MIPOL1: variants seen among roughly 807,000 people sequenced by gnomAD.
The protein encoded by MIPOL1 is mirror-image polydactyly gene 1 protein.
Under a neutral mutation model 60.9 loss-of-function variants are expected in MIPOL1, and 57 were observed. That is an observed-to-expected ratio of 0.94 (90% CI 0.76 to 1.17). MIPOL1 has a LOEUF of 1.17. MIPOL1 is among the 50% of genes most tolerant of loss of function. The pLI is 0.00. For missense variants in MIPOL1, 551 were observed against 511.6 expected (o/e 1.08, Z -0.74); for synonymous variants, 179 against 168.8 (o/e 1.06, Z -0.47).
chr14:37,504,554 C>T (rs2095256898), intron 12 of MIPOL1: 1 of 152,102 alleles, frequency 6.6e-6, no homozygotes, highest in Non-Finnish European at 1.5e-5. Flanking sequence ...TTCTTTGAAA[C>T]CAATGAGAAC....
intron 9 of MIPOL1, among the ~76,000 whole-genome samples, chr14:37,337,347 TATATATA>T (rs2090213535): frequency 1.2e-4 from 4 of 34,498 alleles, no homozygotes; most frequent in Non-Finnish European, 1.6e-4. Context: ...TATATATATA[TATATATA>T]TATTTTTTTT....
intron 11 of MIPOL1, among the ~76,000 whole-genome samples, chr14:37,497,580 C>A (rs934740064): frequency 3.9e-5 from 6 of 152,134 alleles, no homozygotes; most frequent in East Asian, 1.9e-4. Context: ...GTGGCATATG[C>A]CCATAGTCCG....
chr14:37,407,545 T>C (rs2093608021), intron 10 of MIPOL1, among the ~76,000 whole-genome samples: 1 of 152,136 alleles, frequency 6.6e-6, no homozygotes, highest in African/African-American at 2.4e-5. Context: ...ATGTGGCCGT[T>C]ATTGGATATC....
intron 5 of MIPOL1, among the ~76,000 whole-genome samples, chr14:37,269,867 G>GC (rs1293157557): frequency 6.6e-6 from 1 of 151,984 alleles, no homozygotes; most frequent in Non-Finnish European, 1.5e-5. Flanking sequence ...CACTCTTGTT[G>GC]CCCAGGCTGG....
At chr14:37,299,479 A>T (rs1020847930) in intron 7 of MIPOL1, among the ~76,000 whole-genome samples, 2 of 151,930 alleles carry the variant, frequency 1.3e-5, no homozygotes, top group East Asian at 1.9e-4. Context: ...ACTCTACAAC[A>T]TCCTACTTTC....
At chr14:37,236,703 GC>G (rs1252058590) in intron 1 of MIPOL1, among the ~76,000 whole-genome samples, 1 of 152,044 alleles carries the variant, frequency 6.6e-6, no homozygotes, top group Non-Finnish European at 1.5e-5. Flanking sequence ...CTCCCAAAGT[GC>G]TGGGATCACA....
chr14:37,238,321 T>C (rs1475447727), intron 1 of MIPOL1, among the ~76,000 whole-genome samples: 1 of 152,192 alleles, frequency 6.6e-6, no homozygotes, highest in African/African-American at 2.4e-5. Context: ...TTGTGTTAGT[T>C]AATCTTGTTT....
chr14:37,539,086 C>T (rs2095519296), intron 12 of MIPOL1, among the ~76,000 whole-genome samples: 2 of 152,080 alleles, frequency 1.3e-5, no homozygotes, highest in Middle Eastern at 3.4e-3. Flanking sequence ...CCTGTAGTCC[C>T]AGCTACTCGG....
At chr14:37,214,969 G>A (rs1335918280) in intron 1 of MIPOL1, among the ~76,000 whole-genome samples, 2 of 152,032 alleles carry the variant, frequency 1.3e-5, no homozygotes, top group Admixed American at 1.3e-4. Flanking sequence ...GCAGTTATCC[G>A]GCGGCCTAAC....
intron 9 of MIPOL1, among the ~76,000 whole-genome samples, chr14:37,337,353 T>A (rs1469704211): frequency 2.9e-5 from 1 of 34,520 alleles, no homozygotes; most frequent in African/African-American, 1.4e-4. Flanking sequence ...TATATATATA[T>A]ATATTTTTTT....
At chr14:37,323,682 C>A (rs1015775869) in intron 9 of MIPOL1, among the ~76,000 whole-genome samples, 2 of 152,132 alleles carry the variant, frequency 1.3e-5, no homozygotes, top group Middle Eastern at 3.4e-3. Flanking sequence ...TTGACAAATT[C>A]ATACACCCAT....
intron 12 of MIPOL1, among the ~76,000 whole-genome samples, chr14:37,521,901 T>C (rs1270409780): frequency 3.2e-4 from 11 of 33,950 alleles, no homozygotes; most frequent in African/African-American, 1.3e-3. Flanking sequence ...AAAATATATA[T>C]ATATATATAT....
intron 11 of MIPOL1, among the ~76,000 whole-genome samples, chr14:37,478,830 T>G (rs1387412340): frequency 6.6e-6 from 1 of 151,176 alleles, no homozygotes; most frequent in Admixed American, 6.6e-5. Context: ...GAGGAGAGGG[T>G]TTATCAAGAG....
At chr14:37,240,239 A>C (rs998364139) in intron 1 of MIPOL1, among the ~76,000 whole-genome samples, 3 of 152,158 alleles carry the variant, frequency 2.0e-5, no homozygotes, top group Non-Finnish European at 2.9e-5. Flanking sequence ...AAATCGCTAA[A>C]TGGTTTTTGT....
intron 9 of MIPOL1, among the ~76,000 whole-genome samples, chr14:37,333,380 T>C (rs1219037526): frequency 1.3e-5 from 2 of 152,080 alleles, no homozygotes; most frequent in African/African-American, 4.8e-5. Flanking sequence ...ATTTTTCTGA[T>C]ATACCGGGCC....
intron 11 of MIPOL1, among the ~76,000 whole-genome samples, chr14:37,424,975 T>C (rs2153553887): frequency 6.6e-6 from 1 of 152,358 alleles, no homozygotes; most frequent in South Asian, 2.1e-4. Context: ...GCTGATGTTC[T>C]ACATGCATAT....
intron 12 of MIPOL1, among the ~76,000 whole-genome samples, chr14:37,529,819 C>T (rs777566755): frequency 6.6e-5 from 10 of 152,100 alleles, no homozygotes; most frequent in South Asian, 2.1e-4. Context: ...CTGGCAGGAG[C>T]GGAGGCTCCT....
chr14:37,316,017 T>C (rs1460350292), intron 9 of MIPOL1, among the ~76,000 whole-genome samples: 1 of 105,168 alleles, frequency 9.5e-6, no homozygotes, highest in Non-Finnish European at 1.9e-5. Flanking sequence ...TTTCTGTTTA[T>C]TTATTTATTT....
chr14:37,547,303 G>A lies in MIPOL1; in HGVS notation c.*332G>A. The A allele has an allele frequency of 4.5e-6, 1 of 223,676 alleles. No homozygotes were observed. The highest frequency in any genetic ancestry group is 1.1e-4 in the South Asian group (1 of 9,432). The allele number at this position is 223,676 out of a possible 1,614,324, so 13.9% of individuals were successfully genotyped here. ...TATAGAAACATGTTAAAGTTGGTTA[G>A]GATCATATCTTCACATATGGCCCTT... On this transcript the variant is annotated 3_prime_UTR_variant, in exon 13 of 13. Coordinates refer to ENST00000684589, the MANE Select transcript of MIPOL1 (RefSeq NM_001388067.1).
Sources: gnomAD v4.1 joint callset for allele counts (sites outside exome capture counted in the v4.1 genomes callset) on GRCh38, gnomAD v4.1.1 for gene constraint, MANE v1.5 for transcripts, NCBI Gene and HGNC (gene_info 2026-07-23, HGNC 2026-07-21) for gene names.